The following ERBB4 variants were observed in gnomAD, a reference collection of about 807,000 sequenced individuals.
ERBB4 encodes the protein erb-b2 receptor tyrosine kinase 4, also known as receptor tyrosine-protein kinase erbB-4.
In ERBB4, 42 loss-of-function variants were observed where a neutral mutation model predicts 158.0. That is an observed-to-expected ratio of 0.27 (90% CI 0.21 to 0.34). The LOEUF is 0.34. Among genes scored for constraint, ERBB4 ranks in the 10% least tolerant of loss-of-function variants. ERBB4 has a pLI of 1.00. For synonymous variants in ERBB4, 583 were observed against 558.7 expected (o/e 1.04, Z -0.61); for missense variants, 1,333 against 1,624.1 (o/e 0.82, Z 3.08).
chr2:211,778,452 C>G (rs2075946966), intron 4 of ERBB4: 2 of 152,130 alleles, frequency 1.3e-5, no homozygotes, highest in African/African-American at 4.8e-5. Context: ...CCCACACATT[C>G]GTTATAATCT....
intron 5 of ERBB4, among the ~76,000 whole-genome samples, chr2:211,742,659 C>T (rs2106186963): frequency 6.6e-6 from 1 of 151,586 alleles, no homozygotes; most frequent in South Asian, 2.1e-4. Flanking sequence ...AACCAATTTT[C>T]TTCATGCCCA....
At chr2:212,086,536 C>T (rs74948834) in intron 2 of ERBB4, among the ~76,000 whole-genome samples, 1 of 151,792 alleles carries the variant, frequency 6.6e-6, no homozygotes, top group Non-Finnish European at 1.5e-5. Context: ...TTCTTTATGT[C>T]TAACTATTTA....
At chr2:211,487,118 A>G (rs9941688) in intron 20 of ERBB4, among the ~76,000 whole-genome samples, 31,071 of 149,156 alleles carry the variant, frequency 0.21, 3,490 homozygotes, top group East Asian at 0.3. Context: ...TTTACATTAG[A>G]TATATCTCCT....
At chr2:211,905,647 CATATAT>C (rs56758130) in intron 3 of ERBB4, among the ~76,000 whole-genome samples, 780 of 71,438 alleles carry the variant, frequency 0.011, 11 homozygotes, top group Middle Eastern at 0.02. Flanking sequence ...TAGGAAGGAT[CATATAT>C]ATATATATAT....
intron 19 of ERBB4, among the ~76,000 whole-genome samples, chr2:211,593,722 A>G (rs528046746): frequency 1.3e-5 from 2 of 152,284 alleles, no homozygotes; most frequent in East Asian, 3.9e-4. Context: ...AGGTTTATTT[A>G]TTGATACACT....
At chr2:212,154,096 C>T (rs543987976) in intron 1 of ERBB4, among the ~76,000 whole-genome samples, 1 of 152,114 alleles carries the variant, frequency 6.6e-6, no homozygotes, top group African/African-American at 2.4e-5. Context: ...ATTTCTAGAA[C>T]AATGACTGGC....
chr2:212,384,342 A>C (rs1402349030), intron 1 of ERBB4, among the ~76,000 whole-genome samples: 4 of 151,664 alleles, frequency 2.6e-5, no homozygotes, highest in Non-Finnish European at 5.9e-5. Flanking sequence ...CACTTCCAGC[A>C]TCTTACCCAG....
At chr2:211,724,541 C>A (rs1191006581) in intron 6 of ERBB4, among the ~76,000 whole-genome samples, 1 of 150,420 alleles carries the variant, frequency 6.6e-6, no homozygotes, top group Non-Finnish European at 1.5e-5. Context: ...GACATGTATG[C>A]CAAAGACAAA....
intron 2 of ERBB4, among the ~76,000 whole-genome samples, chr2:212,071,416 G>A (rs1426040428): frequency 1.3e-5 from 2 of 151,786 alleles, no homozygotes; most frequent in African/African-American, 4.8e-5. Context: ...TCTAAAGGAG[G>A]TGGCCACAGA....
intron 2 of ERBB4, among the ~76,000 whole-genome samples, chr2:212,091,704 A>G (rs1477941853): frequency 6.6e-6 from 1 of 152,184 alleles, no homozygotes; most frequent in African/African-American, 2.4e-5. Context: ...AAACATTGAA[A>G]AAAAATCATA....
intron 20 of ERBB4, among the ~76,000 whole-genome samples, chr2:211,537,976 T>C (rs940733256): frequency 6.6e-6 from 1 of 151,888 alleles, no homozygotes; most frequent in African/African-American, 2.4e-5. Context: ...GTTCAAAATA[T>C]TGTTTCAGAA....
intron 1 of ERBB4, among the ~76,000 whole-genome samples, chr2:212,455,108 C>T (rs16848593): frequency 0.021 from 3,173 of 152,208 alleles, 99 homozygotes; most frequent in South Asian, 0.051. Flanking sequence ...CTTAATGGAC[C>T]TTGCTGCTGT....
At chr2:212,003,246 AAGGAAG>A (rs2076179276) in intron 2 of ERBB4, among the ~76,000 whole-genome samples, 1 of 131,642 alleles carries the variant, frequency 7.6e-6, no homozygotes, top group Non-Finnish European at 1.7e-5. Context: ...GGAAGGAAGG[AAGGAAG>A]GAAGGAAAGA....
At chr2:211,744,124 A>G (rs1022230367) in intron 5 of ERBB4, among the ~76,000 whole-genome samples, 2 of 152,182 alleles carry the variant, frequency 1.3e-5, no homozygotes, top group African/African-American at 2.4e-5. Flanking sequence ...AATATTTCAT[A>G]TGTTAGGAAA....
chr2:212,024,380 T>C (rs2076726556), intron 2 of ERBB4, among the ~76,000 whole-genome samples: 1 of 151,872 alleles, frequency 6.6e-6, no homozygotes, highest in South Asian at 2.1e-4. Flanking sequence ...TCAGAAGCAA[T>C]AATGTTTCCA....
intron 2 of ERBB4, among the ~76,000 whole-genome samples, chr2:212,015,377 G>GCCA (rs1225090590): frequency 2.0e-5 from 3 of 151,778 alleles, no homozygotes; most frequent in African/African-American, 7.3e-5. Context: ...TCAGTGATTG[G>GCCA]CCATTGTCCT....
chr2:212,338,084 A>G (rs1446840044), intron 1 of ERBB4, among the ~76,000 whole-genome samples: 2 of 152,082 alleles, frequency 1.3e-5, no homozygotes, highest in African/African-American at 4.8e-5. Context: ...AAAAAATGTT[A>G]ACCATACTTC....
chr2:211,619,316 C>T (rs767192784), intron 18 of ERBB4, 41 bp from the exon 19 acceptor site: 1 of 1,088,030 alleles, frequency 9.2e-7, no homozygotes. Flanking sequence ...ACATCTCAAC[C>T]TATTAAGTTC....
chr2:212,111,957 G>A (rs1038426064), intron 2 of ERBB4, among the ~76,000 whole-genome samples: 1 of 151,980 alleles, frequency 6.6e-6, no homozygotes, highest in African/African-American at 2.4e-5. Flanking sequence ...ACAAAACATA[G>A]TGCCATGAAT....
Sources: gnomAD v4.1 joint callset for allele counts (sites outside exome capture counted in the v4.1 genomes callset) on GRCh38, gnomAD v4.1.1 for gene constraint, MANE v1.5 for transcripts, NCBI Gene and HGNC (gene_info 2026-07-23, HGNC 2026-07-21) for gene names.